SND1: variants seen among roughly 807,000 people sequenced by gnomAD.
SND1 encodes staphylococcal nuclease and tudor domain containing 1, also known as staphylococcal nuclease domain-containing protein 1.
In SND1, 38 loss-of-function variants were observed where a neutral mutation model predicts 121.7. The observed-to-expected ratio is 0.31, with a 90% CI of 0.24 to 0.41. SND1 has a LOEUF of 0.41. Ranked by LOEUF, SND1 falls within the 10% of genes least tolerant of loss-of-function variation. The pLI, the probability that SND1 is intolerant of heterozygous loss-of-function variation, is 1.00. For synonymous variants in SND1, 401 were observed against 447.4 expected (o/e 0.90, Z 1.31); for missense variants, 868 against 1,184.6 (o/e 0.73, Z 3.92).
rs1349767175 is a variant in SND1, at chr7:127,850,362, A to G, written c.1343+5938A>G. Among the ~76,000 whole-genome samples, 5 of 152,346 alleles carry G rather than the reference A, an allele frequency of 3.3e-5. No individual in the cohort carries two copies. In the East Asian group the frequency reaches 9.6e-4, roughly 29 times the overall value. On this transcript the variant is annotated intron_variant, in intron 12 of 23. Transcript: ENST00000354725. ...TTTCAAGCTACACTTGGGCAAAAGCAGCCTCTTGAATCGCTCTTTTCTGGC... is the reference window on the plus strand; with the variant it reads ...TTTCAAGCTACACTTGGGCAAAAGCGGCCTCTTGAATCGCTCTTTTCTGGC...
chr7:127,828,539 G>A (rs1157316043), intron 11 of SND1, among the ~76,000 whole-genome samples: 3 of 152,024 alleles, frequency 2.0e-5, no homozygotes, highest in Non-Finnish European at 4.4e-5. Context: ...TGGTACTTTT[G>A]TATAATCTTG....
At chr7:128,028,829 A>G (rs1792481054) in intron 16 of SND1, 1 of 1,614,056 alleles carries the variant, frequency 6.2e-7, no homozygotes, top group African/African-American at 1.3e-5. Flanking sequence ...TGTAGTTAAT[A>G]TGGTCATGAA....
At chr7:127,733,424 A>T (rs1796716160) in intron 10 of SND1, among the ~76,000 whole-genome samples, 1 of 152,122 alleles carries the variant, frequency 6.6e-6, no homozygotes, top group Admixed American at 6.5e-5. Context: ...ATTTTTGAAC[A>T]GTTCTGAAGC....
intron 1 of SND1, among the ~76,000 whole-genome samples, chr7:127,676,677 C>T (rs1795623856): frequency 6.6e-6 from 1 of 152,214 alleles, no homozygotes; most frequent in Non-Finnish European, 1.5e-5. Context: ...TTAGAGATTA[C>T]AGGTTATCAG....
chr7:127,987,864 G>A (rs1584718423), intron 15 of SND1, among the ~76,000 whole-genome samples: 1 of 141,384 alleles, frequency 7.1e-6, no homozygotes, highest in Non-Finnish European at 1.5e-5. Context: ...ATTGTTTTGT[G>A]GAAACGTAAT....
At chr7:127,793,550 G>T (rs1430392273) in intron 10 of SND1, among the ~76,000 whole-genome samples, 2 of 152,164 alleles carry the variant, frequency 1.3e-5, no homozygotes, top group Non-Finnish European at 2.9e-5. Flanking sequence ...AGTAGGAAAG[G>T]TAAGGGTTTC....
At chr7:127,819,695 G>C (rs1014459371) in intron 11 of SND1, among the ~76,000 whole-genome samples, 5 of 152,152 alleles carry the variant, frequency 3.3e-5, no homozygotes, top group African/African-American at 9.7e-5. Context: ...GAAGGAACCA[G>C]CAGGCCACCT....
At chr7:127,992,455 A>G (rs1802543322) in intron 16 of SND1, among the ~76,000 whole-genome samples, 1 of 152,208 alleles carries the variant, frequency 6.6e-6, no homozygotes, top group Non-Finnish European at 1.5e-5. Context: ...TGGATAATGA[A>G]CTGCAAAGTA....
At chr7:128,080,386 G>GA (rs893524871) in intron 17 of SND1, among the ~76,000 whole-genome samples, 4 of 152,270 alleles carry the variant, frequency 2.6e-5, no homozygotes, top group African/African-American at 9.6e-5. Context: ...GGAAGGAAGG[G>GA]AGAGAGGGAA....
At chr7:127,906,290 G>A (rs147728770) in intron 14 of SND1, among the ~76,000 whole-genome samples, 1 of 152,118 alleles carries the variant, frequency 6.6e-6, no homozygotes, top group African/African-American at 2.4e-5. Flanking sequence ...TAACTATGGT[G>A]TATCTGCTAA....
intron 11 of SND1, among the ~76,000 whole-genome samples, chr7:127,828,193 C>T (rs1798677333): frequency 6.6e-6 from 1 of 151,922 alleles, no homozygotes; most frequent in Admixed American, 6.6e-5. Context: ...GACGGGGTTT[C>T]ACCACGTTGG....
At chr7:127,996,733 T>C (rs1802668414) in intron 16 of SND1, among the ~76,000 whole-genome samples, 1 of 152,194 alleles carries the variant, frequency 6.6e-6, no homozygotes, top group African/African-American at 2.4e-5. Flanking sequence ...CGGCAATGTT[T>C]CATTTATTTT....
chr7:128,089,441 A>C (rs772334448), intron 21 of SND1, 48 bp from the exon 22 acceptor site: 2 of 1,547,524 alleles, frequency 1.3e-6, no homozygotes, highest in East Asian at 2.3e-5. Context: ...CTGGGGCCCA[A>C]GTGGTTGTTC....
At chr7:128,020,975 C>G (rs922122311) in intron 16 of SND1, among the ~76,000 whole-genome samples, 4 of 152,188 alleles carry the variant, frequency 2.6e-5, no homozygotes, top group Non-Finnish European at 5.9e-5. Flanking sequence ...TGCATCCCCT[C>G]TCCTCATTTC....
At chr7:127,769,883 C>T (rs137930119) in intron 10 of SND1, among the ~76,000 whole-genome samples, 2 of 152,244 alleles carry the variant, frequency 1.3e-5, no homozygotes, top group South Asian at 2.1e-4. Context: ...TAACTCTCAG[C>T]GTGTAATGAA....
intron 12 of SND1, among the ~76,000 whole-genome samples, chr7:127,886,330 C>T (rs576875806): frequency 4.9e-4 from 75 of 151,998 alleles, no homozygotes; most frequent in African/African-American, 1.8e-3. Flanking sequence ...GCATGTTCTC[C>T]TGGGTTTTGA....
intron 18 of SND1, chr7:128,082,102 C>T (rs1793614744): frequency 1.1e-5 from 4 of 374,232 alleles, no homozygotes; most frequent in South Asian, 8.0e-5. Flanking sequence ...GCCAGGGTCC[C>T]CTGGGCAGAG....
chr7:127,780,500 C>T (rs917355269), intron 10 of SND1, among the ~76,000 whole-genome samples: 5 of 152,202 alleles, frequency 3.3e-5, no homozygotes, highest in Non-Finnish European at 7.3e-5. Flanking sequence ...CTAACTTGTC[C>T]AAGGTATGGA....
chr7:128,032,865 C>T (rs1255601920), intron 16 of SND1, among the ~76,000 whole-genome samples: 1 of 152,030 alleles, frequency 6.6e-6, no homozygotes, highest in Non-Finnish European at 1.5e-5. Flanking sequence ...ATGAGGGTTG[C>T]GGGGGCGGGA....
Sources: gnomAD v4.1 joint callset for allele counts (sites outside exome capture counted in the v4.1 genomes callset) on GRCh38, gnomAD v4.1.1 for gene constraint, MANE v1.5 for transcripts, NCBI Gene and HGNC (gene_info 2026-07-23, HGNC 2026-07-21) for gene names.